KCTD8: variants seen among roughly 807,000 people sequenced by gnomAD.
The protein encoded by KCTD8 is BTB/POZ domain-containing protein KCTD8.
Under a neutral mutation model 31.5 loss-of-function variants are expected in KCTD8, and 27 were observed. The ratio of observed to expected loss-of-function variants is 0.86; its 90% CI spans 0.63 to 1.18. KCTD8 has a LOEUF of 1.18. Ranked by LOEUF, KCTD8 falls within the 50% of genes most tolerant of loss-of-function variation. The probability of loss-of-function intolerance (pLI) is 0.00; values close to 1 mark genes in which losing one functional copy is unlikely to be tolerated. For missense variants in KCTD8, 658 were observed against 647.7 expected (o/e 1.02, Z -0.17); for synonymous variants, 290 against 280.0 (o/e 1.04, Z -0.36).
intron 1 of KCTD8, among the ~76,000 whole-genome samples, chr4:44,261,234 G>GA (rs1272898161): frequency 1.3e-5 from 2 of 151,878 alleles, no homozygotes; most frequent in African/African-American, 4.8e-5. Context: ...GATTTGGGAG[G>GA]AAAAAATGAA....
At chr4:44,305,240 A>C (rs1717766335) in intron 1 of KCTD8, among the ~76,000 whole-genome samples, 1 of 151,656 alleles carries the variant, frequency 6.6e-6, no homozygotes, top group African/African-American at 2.4e-5. Context: ...AATACGTGAT[A>C]GATATAAGTA....
intron 1 of KCTD8, among the ~76,000 whole-genome samples, chr4:44,219,572 G>A (rs934687163): frequency 6.6e-6 from 1 of 152,192 alleles, no homozygotes; most frequent in Admixed American, 6.5e-5. Flanking sequence ...GCCAAGGACT[G>A]ACGGCTGCCA....
At chr4:44,278,346 C>T (rs1271152325) in intron 1 of KCTD8, among the ~76,000 whole-genome samples, 1 of 151,972 alleles carries the variant, frequency 6.6e-6, no homozygotes, top group Non-Finnish European at 1.5e-5. Context: ...TCCACTTATC[C>T]TTTCCTAACC....
rs570521203 is a variant in KCTD8, at chr4:44,218,124, C to CTTTT, written c.962-42878_962-42875dup. Among the ~76,000 whole-genome samples, 256 of 91,544 alleles carry CTTTT rather than the reference C, an allele frequency of 2.8e-3. 21 individuals carry two copies. The highest frequency in any genetic ancestry group is 0.012 in the African/African-American group (245 of 19,692). 60.1% of individuals were successfully genotyped at this position (91,544 alleles called of 152,430 possible). On this transcript the variant is annotated intron_variant, in intron 1 of 1. Transcript: ENST00000360029. ...GTAACACTGTACATTTTAAAATGTCCTTTTTTTTTTTTTTTTTTTTTTTTT... is the reference window on the plus strand; with the variant it reads ...GTAACACTGTACATTTTAAAATGTCCTTTTTTTTTTTTTTTTTTTTTTTTTTTTT...
At chr4:44,344,911 T>G (rs537080263) in intron 1 of KCTD8, among the ~76,000 whole-genome samples, 10 of 152,292 alleles carry the variant, frequency 6.6e-5, no homozygotes, top group African/African-American at 2.2e-4. Context: ...GAGAGTAAAG[T>G]ATTCATATTT....
chr4:44,221,610 C>A (rs1714810794), intron 1 of KCTD8, among the ~76,000 whole-genome samples: 1 of 152,096 alleles, frequency 6.6e-6, no homozygotes, highest in Non-Finnish European at 1.5e-5. Context: ...GCAGAAGGCC[C>A]AGAAGTCCCC....
chr4:44,336,896 G>T (rs1453442132), intron 1 of KCTD8, among the ~76,000 whole-genome samples: 1 of 151,748 alleles, frequency 6.6e-6, no homozygotes, highest in Non-Finnish European at 1.5e-5. Context: ...AAATGAAACT[G>T]CCATATAACA....
Position 44,322,233 on chromosome 4 carries a change from C to T in KCTD8, c.961+125330G>A, listed in dbSNP as rs117431633. Among the ~76,000 whole-genome samples, 152 of 152,132 alleles carry T rather than the reference C, an allele frequency of 1.0e-3. 2 individuals carry two copies. The East Asian group carries it at 0.026, about 26-fold the overall frequency. ...TTCCCACCAACAGTGTACACGTGGT[C>T]CCTTTCTCCACATCCTTGCTAGCAT... On this transcript the variant is annotated intron_variant, in intron 1 of 1. Transcript: ENST00000360029.
rs187245007 is a variant in KCTD8, at chr4:44,446,163, G to C, written c.961+1400C>G. Among the ~76,000 whole-genome samples, 706 of 152,196 alleles carry C rather than the reference G, an allele frequency of 4.6e-3. 7 individuals are homozygous for C. Among genetic ancestry groups the C allele is most frequent in the African/African-American group, 0.015 (611 of 41,522 alleles). ...TGTGGTTTGTCACCCAACTTCCAAG[G>C]TTACCAGAATATACAAACACTAAGC... On this transcript the variant is annotated intron_variant, in intron 1 of 1. Coordinates refer to ENST00000360029, the MANE Select transcript of KCTD8 (RefSeq NM_198353.3).
At chr4:44,361,027 T>A (rs1422665807) in intron 1 of KCTD8, among the ~76,000 whole-genome samples, 2 of 152,146 alleles carry the variant, frequency 1.3e-5, no homozygotes, top group East Asian at 3.9e-4. Context: ...AGTCTTCATA[T>A]ATGCCATTAT....
intron 1 of KCTD8, among the ~76,000 whole-genome samples, chr4:44,407,875 T>C (rs1560447454): frequency 6.6e-6 from 1 of 152,180 alleles, no homozygotes; most frequent in Non-Finnish European, 1.5e-5. Flanking sequence ...TTCCTCAGGT[T>C]CTGCAAACAA....
chr4:44,175,599 G>C (rs1713190985), intron 1 of KCTD8, among the ~76,000 whole-genome samples: 1 of 152,030 alleles, frequency 6.6e-6, no homozygotes, highest in African/African-American at 2.4e-5. Flanking sequence ...GTAATGTTTT[G>C]TTAGCCCTCT....
intron 1 of KCTD8, among the ~76,000 whole-genome samples, chr4:44,180,115 A>G (rs1175146232): frequency 6.6e-6 from 1 of 152,178 alleles, no homozygotes; most frequent in African/African-American, 2.4e-5. Context: ...AACTAGTAAT[A>G]GAATCAAATA....
At chr4:44,382,775 A>G (rs4695714) in intron 1 of KCTD8, among the ~76,000 whole-genome samples, 32,218 of 151,364 alleles carry the variant, frequency 0.21, 3,613 homozygotes, top group East Asian at 0.39. Context: ...GTTCACTGTC[A>G]TCACTATTGT....
chr4:44,375,820 G>A (rs1450909816), intron 1 of KCTD8, among the ~76,000 whole-genome samples: 1 of 152,136 alleles, frequency 6.6e-6, no homozygotes, highest in East Asian at 1.9e-4. Context: ...TTGTTTGCCT[G>A]TCTTTACTTT....
intron 1 of KCTD8, among the ~76,000 whole-genome samples, chr4:44,426,704 C>T (rs2109474351): frequency 6.6e-6 from 1 of 151,896 alleles, no homozygotes; most frequent in African/African-American, 2.4e-5. Context: ...CTTGAAAAGG[C>T]AAGTCTCTTC....
intron 1 of KCTD8, among the ~76,000 whole-genome samples, chr4:44,377,256 C>A (rs1314380564): frequency 6.6e-6 from 1 of 152,156 alleles, no homozygotes; most frequent in African/African-American, 2.4e-5. Context: ...CCCCTGGCTC[C>A]TTCTCTTAAG....
At chr4:44,245,253 A>G (rs1159018291) in intron 1 of KCTD8, among the ~76,000 whole-genome samples, 2 of 152,158 alleles carry the variant, frequency 1.3e-5, no homozygotes, top group African/African-American at 4.8e-5. Context: ...CAGGGAATGA[A>G]TCTAATAGTC....
At chr4:44,194,348 A>G (rs1337726774) in intron 1 of KCTD8, among the ~76,000 whole-genome samples, 1 of 152,230 alleles carries the variant, frequency 6.6e-6, no homozygotes, top group Non-Finnish European at 1.5e-5. Context: ...CTTACAGATT[A>G]AAAGTAAAAG....
Sources: allele counts gnomAD v4.1 joint callset (sites outside exome capture counted in the v4.1 genomes callset), GRCh38; gene constraint gnomAD v4.1.1; transcripts MANE v1.5; gene names NCBI Gene and HGNC (gene_info 2026-07-23, HGNC 2026-07-21).